Variants in BAZ1A observed in about 807,000 individuals in gnomAD.
BAZ1A encodes the protein bromodomain adjacent to zinc finger domain protein 1A.
A neutral mutation model predicts 185.2 loss-of-function variants in BAZ1A; 50 were observed. That is an observed-to-expected ratio of 0.27 (90% CI 0.22 to 0.34). BAZ1A has a LOEUF of 0.34. Among genes scored for constraint, BAZ1A ranks in the 10% least tolerant of loss-of-function variants. The pLI, the probability that BAZ1A is intolerant of heterozygous loss-of-function variation, is 1.00. For missense variants in BAZ1A, 1,356 were observed against 1,839.9 expected (o/e 0.74, Z 4.81); for synonymous variants, 571 against 615.6 (o/e 0.93, Z 1.07).
intron 9 of BAZ1A, 110 bp downstream of exon 9, chr14:34,800,114 A>G: frequency 9.1e-7 from 1 of 1,102,032 alleles, no homozygotes; most frequent in South Asian, 2.5e-5. Context: ...ATGCACATTC[A>G]TAAATGTGAA....
intron 17 of BAZ1A, among the ~76,000 whole-genome samples, chr14:34,777,587 T>C (rs1296684530): frequency 2.8e-5 from 4 of 140,626 alleles, no homozygotes; most frequent in Non-Finnish European, 6.1e-5. Context: ...GAGGTTGCAG[T>C]GGGCCAAGAT....
intron 3 of BAZ1A, among the ~76,000 whole-genome samples, chr14:34,843,413 T>A (rs950916521): frequency 2.0e-4 from 31 of 152,166 alleles, no homozygotes; most frequent in Admixed American, 2.0e-4. Flanking sequence ...TACCATCTTG[T>A]GAACAAGTTA....
At chr14:34,830,455 T>A (rs2138726749) in intron 3 of BAZ1A, among the ~76,000 whole-genome samples, 1 of 148,792 alleles carries the variant, frequency 6.7e-6, no homozygotes, top group Non-Finnish European at 1.5e-5. Flanking sequence ...ATATTTCATA[T>A]AAAATCTAGG....
chr14:34,776,023 G>T lies in BAZ1A; in HGVS notation c.2729C>A (p.Ser910Tyr). The change falls in exon 18 of 27, where the codon TCT becomes TAT. Residue 910 changes from serine to tyrosine, a missense_variant. Ser to Tyr is a moderately radical substitution (Grantham distance 144). Transcript: ENST00000360310. ...QLDQLIEALN[S>Y]RGHRESALKE... Reference sequence around the variant, plus strand: ...TAAGGCACTTTCTCTATGTCCTCTAGAATTAAGAGCTTCAATAAGCTGGTC... The same window carrying T: ...TAAGGCACTTTCTCTATGTCCTCTATAATTAAGAGCTTCAATAAGCTGGTC... 6.2e-7 allele frequency: 1 copy of T among 1,614,116 alleles called. No homozygotes were observed. Among genetic ancestry groups the T allele is most frequent in the Non-Finnish European group, 8.5e-7 (1 of 1,179,984 alleles).
At chr14:34,826,915 C>T (rs925972792) in intron 3 of BAZ1A, among the ~76,000 whole-genome samples, 1 of 152,100 alleles carries the variant, frequency 6.6e-6, no homozygotes, top group African/African-American at 2.4e-5. Flanking sequence ...TAACTGGGGG[C>T]CCAGACAGGA....
chr14:34,875,188 C>T lies in BAZ1A; in HGVS notation c.-109G>A, dbSNP rs1412791364. The T allele has an allele frequency of 4.5e-6, 2 of 446,568 alleles. No individual in the cohort carries two copies. Among genetic ancestry groups the T allele is most frequent in the South Asian group, 1.6e-5 (1 of 63,976 alleles). 27.7% of individuals were successfully genotyped at this position (446,568 alleles called of 1,614,324 possible). A position where few individuals can be genotyped will look rare whatever the true frequency, so the allele number is the denominator to read the frequency against. On this transcript the variant is annotated 5_prime_UTR_variant, in exon 1 of 27. Coordinates refer to ENST00000360310, the MANE Select transcript of BAZ1A (RefSeq NM_013448.3). ...TCCACCTTCTCCACTACAAAGGCAA[C>T]GAGGGGAGACCCCGTCCTCCCAGGG...
At chr14:34,819,947 T>C (rs1326782674) in intron 4 of BAZ1A, among the ~76,000 whole-genome samples, 1 of 152,012 alleles carries the variant, frequency 6.6e-6, no homozygotes, top group Non-Finnish European at 1.5e-5. Flanking sequence ...TTGTCAGTGT[T>C]CTGGATTTTG....
Position 34,844,775 on chromosome 14 carries a change from GCGCACACACACACACACA to G in BAZ1A, c.392+17251_392+17268del, listed in dbSNP as rs1165181744. Among the ~76,000 whole-genome samples the G allele has an allele frequency of 3.2e-4, 44 of 135,596 alleles. No individual in the cohort carries two copies. The South Asian group carries it at 0.011, about 33-fold the overall frequency. The allele number at this position is 135,596 out of a possible 152,430, so 89.0% of individuals were successfully genotyped here. A position where few individuals can be genotyped will look rare whatever the true frequency, so the allele number is the denominator to read the frequency against. ...CCTGTCTAAACACACACACACACACGCGCACACACACACACACACACACACACACACACACACAAAATC... is the reference window on the plus strand; with the variant it reads ...CCTGTCTAAACACACACACACACACGCACACACACACACACACACAAAATC... On this transcript the variant is annotated intron_variant, in intron 3 of 26. Transcript: ENST00000360310.
intron 3 of BAZ1A, among the ~76,000 whole-genome samples, chr14:34,832,757 G>T (rs1594886060): frequency 1.3e-5 from 2 of 152,188 alleles, no homozygotes; most frequent in East Asian, 3.9e-4. Flanking sequence ...GAACAGTTTG[G>T]CAATTCCTCA....
At chr14:34,797,046 C>G (rs1368109926) in intron 9 of BAZ1A, among the ~76,000 whole-genome samples, 1 of 151,992 alleles carries the variant, frequency 6.6e-6, no homozygotes, top group African/African-American at 2.4e-5. Context: ...AAAAAAAAGA[C>G]TTTATTCAGA....
intron 3 of BAZ1A, among the ~76,000 whole-genome samples, chr14:34,853,045 A>G (rs1253653738): frequency 7.9e-6 from 1 of 125,876 alleles, no homozygotes; most frequent in African/African-American, 2.6e-5. Flanking sequence ...ATGTTGAACA[A>G]TTACAAAAAA....
Position 34,874,910 on chromosome 14 carries a change from C to T in BAZ1A, c.-59+228G>A, listed in dbSNP as rs1365184656. On this transcript the variant is annotated intron_variant, in intron 1 of 26. Coordinates refer to ENST00000360310, the MANE Select transcript of BAZ1A (RefSeq NM_013448.3). This position sits in a 1 kb window ranked among gnomAD's most constrained non-coding sequence, Gnocchi z 4.7. Reference sequence around the variant, plus strand: ...GCCGCCTCACAATGGGGCAGGACGCCCCGCCGCGGGGGGCAGTGCGGGAGC... The same window carrying T: ...GCCGCCTCACAATGGGGCAGGACGCTCCGCCGCGGGGGGCAGTGCGGGAGC... 5.7e-6 allele frequency: 1 copy of T among 176,918 alleles called. No individual in the cohort carries two copies. The highest frequency in any genetic ancestry group is 2.4e-5 in the African/African-American group (1 of 42,180). The allele number at this position is 176,918 out of a possible 1,614,324, so 11.0% of individuals were successfully genotyped here. A position where few individuals can be genotyped will look rare whatever the true frequency, so the allele number is the denominator to read the frequency against.
Position 34,771,545 on chromosome 14 carries a change from C to T in BAZ1A, c.3267G>A (p.Gln1089=). ...YLAMALFQIE[Q]GIERRFLKAP... Reference sequence around the variant, plus strand: ...CTTTCAGAAAACGCCGCTCAATGCCCTGCTCTATTTGAAAGAGTGCCATTG... The same window carrying T: ...CTTTCAGAAAACGCCGCTCAATGCCTTGCTCTATTTGAAAGAGTGCCATTG... The change falls in exon 21 of 27, where the codon CAG becomes CAA. Residue 1089 remains glutamine, a synonymous_variant. Coordinates refer to ENST00000360310, the MANE Select transcript of BAZ1A (RefSeq NM_013448.3). The T allele has an allele frequency of 1.2e-6, 2 of 1,613,770 alleles. No homozygotes were observed. The highest frequency in any genetic ancestry group is 1.7e-6 in the Non-Finnish European group (2 of 1,179,914).
At chr14:34,778,337 CT>C in intron 17 of BAZ1A, among the ~76,000 whole-genome samples, 1 of 152,320 alleles carries the variant, frequency 6.6e-6, no homozygotes, top group African/African-American at 2.4e-5. Context: ...GCTTGGACCC[CT>C]GATAATCTGC....
intron 2 of BAZ1A, among the ~76,000 whole-genome samples, chr14:34,872,604 A>G (rs2042965956): frequency 6.6e-6 from 1 of 152,234 alleles, no homozygotes; most frequent in Admixed American, 6.5e-5. Context: ...CTGTCTCAAA[A>G]TAAGTAAATA....
chr14:34,831,631 T>C lies in BAZ1A; in HGVS notation c.393-5475A>G, dbSNP rs141488086. 5.4e-3 allele frequency among the ~76,000 whole-genome samples: 821 copies of C among 152,222 alleles called. 3 individuals are homozygous for C. The highest frequency in any genetic ancestry group is 8.3e-3 in the Non-Finnish European group (562 of 68,000). On this transcript the variant is annotated intron_variant, in intron 3 of 26. Transcript: ENST00000360310. ...TCCTACACCCAAACAAAAGAAAACA[T>C]AACTGGTTCCAAAGCACCCTAAGGC...
chr14:34,794,410 C>T (rs1025436543), intron 11 of BAZ1A, among the ~76,000 whole-genome samples: 2 of 152,198 alleles, frequency 1.3e-5, no homozygotes, highest in Non-Finnish European at 2.9e-5. Context: ...TTGAATCCCA[C>T]GGTGGCCTCT....
At chr14:34,771,480 C>A (rs1299755672) in intron 21 of BAZ1A, 31 bp downstream of exon 21, 4 of 1,584,322 alleles carry the variant, frequency 2.5e-6, no homozygotes, top group Non-Finnish European at 3.4e-6. Flanking sequence ...TATAACACAA[C>A]TAATATTTTG....
In BAZ1A at chr14:34,856,213, T is replaced by C. The variant is rs144896015; in HGVS notation, c.392+5831A>G. ...ATGCCACACTGAACTTGGATGCTCT[T>C]GAGTTACCTTATTCACAACTTTAAT... On this transcript the variant is annotated intron_variant, in intron 3 of 26. Transcript: ENST00000360310. Among the ~76,000 whole-genome samples, 4 of 152,268 alleles carry C rather than the reference T, an allele frequency of 2.6e-5. No individual in the cohort carries two copies. In the East Asian group the frequency reaches 7.7e-4, roughly 29 times the overall value.
Sources: allele counts gnomAD v4.1 joint callset (sites outside exome capture counted in the v4.1 genomes callset), GRCh38; gene constraint gnomAD v4.1.1; non-coding constraint Gnocchi (gnomAD v3.1); transcripts MANE v1.5; gene names NCBI Gene and HGNC (gene_info 2026-07-23, HGNC 2026-07-21).